PRKCA: variants seen among roughly 807,000 people sequenced by gnomAD.
The protein encoded by PRKCA is protein kinase C alpha.
PRKCA carries 27 observed loss-of-function variants against 87.0 expected under a neutral mutation model. That is an observed-to-expected ratio of 0.31 (90% CI 0.23 to 0.43). The LOEUF (loss-of-function observed/expected upper bound fraction) is 0.43. Among genes scored for constraint, PRKCA ranks in the 20% least tolerant of loss-of-function variants. PRKCA has a pLI of 1.00. For missense variants in PRKCA, 518 were observed against 852.3 expected, an observed-to-expected ratio of 0.61 and a Z score of 4.88; for synonymous variants, 329 against 311.1, an observed-to-expected ratio of 1.06 and a Z score of -0.61.
intron 3 of PRKCA, among the ~76,000 whole-genome samples, chr17:66,518,222 C>A (rs919292688): frequency 4.6e-5 from 7 of 152,130 alleles, no homozygotes; most frequent in African/African-American, 1.7e-4. Flanking sequence ...CCTCATCCAC[C>A]AGAGAAAAGC....
intron 2 of PRKCA, among the ~76,000 whole-genome samples, chr17:66,475,551 C>T (rs1915503205): frequency 6.6e-6 from 1 of 152,148 alleles, no homozygotes; most frequent in Non-Finnish European, 1.5e-5. Flanking sequence ...TCTTTCCCAG[C>T]TTCCCATTTC....
At chr17:66,373,436 C>T (rs192921457) in intron 2 of PRKCA, among the ~76,000 whole-genome samples, 5 of 152,300 alleles carry the variant, frequency 3.3e-5, no homozygotes, top group Admixed American at 3.3e-4. Flanking sequence ...GTACTTTCTT[C>T]ACTGTCATGC....
chr17:66,562,138 TATATATATAATTAAA>T (rs1968719975), intron 3 of PRKCA, among the ~76,000 whole-genome samples: 1 of 17,448 alleles, frequency 5.7e-5, no homozygotes, highest in South Asian at 3.2e-3. Context: ...ATAATTAAAT[TATATATATAATTAAA>T]TTATATATAT....
At chr17:66,573,959 TA>T (rs1314879198) in intron 3 of PRKCA, among the ~76,000 whole-genome samples, 1 of 152,126 alleles carries the variant, frequency 6.6e-6, no homozygotes, top group Non-Finnish European at 1.5e-5. Flanking sequence ...CCCCCATCTC[TA>T]AAAAATGAAT....
intron 3 of PRKCA, among the ~76,000 whole-genome samples, chr17:66,626,362 A>AT (rs36045417): frequency 0.035 from 4,331 of 124,402 alleles, 206 homozygotes; most frequent in African/African-American, 0.1. Flanking sequence ...TAGTTTTTGT[A>AT]TTTTTTTTTT....
At chr17:66,749,696 C>A (rs889603993) in intron 13 of PRKCA, among the ~76,000 whole-genome samples, 5 of 152,224 alleles carry the variant, frequency 3.3e-5, no homozygotes, top group African/African-American at 1.2e-4. Context: ...GGCATGGGTG[C>A]CTGCACGCTG....
chr17:66,657,583 C>T (rs879599056), intron 5 of PRKCA, among the ~76,000 whole-genome samples: 13 of 152,132 alleles, frequency 8.5e-5, no homozygotes, highest in Non-Finnish European at 1.5e-4. Flanking sequence ...AGGAGAGACA[C>T]ATTTCTCTGG....
At chr17:66,725,336 C>T (rs961160886) in intron 8 of PRKCA, among the ~76,000 whole-genome samples, 1 of 152,200 alleles carries the variant, frequency 6.6e-6, no homozygotes, top group African/African-American at 2.4e-5. Context: ...AAGTTGGCCT[C>T]TGTCAGTTCT....
At chr17:66,385,412 C>A (rs1272640775) in intron 2 of PRKCA, among the ~76,000 whole-genome samples, 1 of 152,222 alleles carries the variant, frequency 6.6e-6, no homozygotes, top group African/African-American at 2.4e-5. Flanking sequence ...ATCATCCACA[C>A]ATAGATGTGG....
chr17:66,458,420 T>C (rs892593864), intron 2 of PRKCA, among the ~76,000 whole-genome samples: 1 of 152,084 alleles, frequency 6.6e-6, no homozygotes, highest in Admixed American at 6.5e-5. Context: ...CAGTAGAATA[T>C]GCAACACTGC....
chr17:66,469,964 A>G (rs905477369), intron 2 of PRKCA, among the ~76,000 whole-genome samples: 5 of 152,188 alleles, frequency 3.3e-5, no homozygotes, highest in Non-Finnish European at 7.3e-5. Context: ...TAGGAAGGTC[A>G]GAGATGATTT....
chr17:66,715,545 G>A (rs1973451897), intron 8 of PRKCA, among the ~76,000 whole-genome samples: 1 of 152,140 alleles, frequency 6.6e-6, no homozygotes, highest in Admixed American at 6.5e-5. Flanking sequence ...CAAGGGTTTG[G>A]AAAGATTCGG....
chr17:66,733,110 C>G (rs1973943948), intron 9 of PRKCA, among the ~76,000 whole-genome samples: 1 of 148,500 alleles, frequency 6.7e-6, no homozygotes, highest in Non-Finnish European at 1.5e-5. Context: ...GAGATCGCAC[C>G]ACTGCACTCC....
intron 2 of PRKCA, among the ~76,000 whole-genome samples, chr17:66,412,223 A>C (rs906965095): frequency 6.6e-6 from 1 of 151,818 alleles, no homozygotes; most frequent in Non-Finnish European, 1.5e-5. Context: ...CATCCAGTTG[A>C]TTTTTGTATT....
intron 8 of PRKCA, among the ~76,000 whole-genome samples, chr17:66,697,386 C>T (rs1046144971): frequency 5.9e-5 from 9 of 152,092 alleles, no homozygotes; most frequent in African/African-American, 2.2e-4. Context: ...TCTAGGAGGC[C>T]AGCAGAGAAG....
chr17:66,541,888 A>C (rs1968000076), intron 3 of PRKCA, among the ~76,000 whole-genome samples: 1 of 152,172 alleles, frequency 6.6e-6, no homozygotes, highest in Non-Finnish European at 1.5e-5. Flanking sequence ...TCAAGGCCCT[A>C]AGCTTGTATG....
intron 14 of PRKCA, among the ~76,000 whole-genome samples, chr17:66,786,295 C>T (rs1186371787): frequency 1.3e-5 from 2 of 152,158 alleles, no homozygotes; most frequent in East Asian, 1.9e-4. Flanking sequence ...CCAGTCAAAG[C>T]GGATGAGGGA....
chr17:66,731,141 A>C (rs1973875129), intron 8 of PRKCA, among the ~76,000 whole-genome samples: 1 of 152,110 alleles, frequency 6.6e-6, no homozygotes, highest in South Asian at 2.1e-4. Flanking sequence ...ACCTGAGGTC[A>C]GGAGTTCGAG....
chr17:66,763,741 G>A (rs982857737), intron 13 of PRKCA, among the ~76,000 whole-genome samples: 1 of 152,054 alleles, frequency 6.6e-6, no homozygotes, highest in African/African-American at 2.4e-5. Context: ...TTTAAGATTG[G>A]GCTCTAGGGG....
Sources: allele counts gnomAD v4.1 joint callset (sites outside exome capture counted in the v4.1 genomes callset), GRCh38; gene constraint gnomAD v4.1.1; transcripts MANE v1.5; gene names NCBI Gene and HGNC (gene_info 2026-07-23, HGNC 2026-07-21).